The following CNTNAP2 variants were observed in gnomAD, a reference collection of about 807,000 sequenced individuals.
CNTNAP2 encodes the protein contactin-associated protein-like 2.
CNTNAP2 carries 98 observed loss-of-function variants against 155.2 expected under a neutral mutation model. That is an observed-to-expected ratio of 0.63 (90% CI 0.54 to 0.75). The LOEUF (loss-of-function observed/expected upper bound fraction) is 0.75. CNTNAP2 is among the 30% of genes least tolerant of loss of function. The pLI is 0.00. For missense variants in CNTNAP2, 1,727 were observed against 1,688.1 expected (o/e 1.02, Z -0.40); for synonymous variants, 651 against 631.2 (o/e 1.03, Z -0.47).
intron 23 of CNTNAP2, among the ~76,000 whole-genome samples, chr7:148,410,073 GAAAGA>G (rs1300890993): frequency 8.0e-6 from 1 of 124,788 alleles, no homozygotes; most frequent in Non-Finnish European, 1.8e-5. Context: ...AAAAAAGAAA[GAAAGA>G]AAGAATATAG....
At chr7:147,500,583 A>G (rs1798792144) in intron 11 of CNTNAP2, among the ~76,000 whole-genome samples, 1 of 152,156 alleles carries the variant, frequency 6.6e-6, no homozygotes, top group Non-Finnish European at 1.5e-5. Context: ...ATTAAATACA[A>G]TTTGGGGCAA....
At chr7:146,346,935 TTTTTA>T (rs1794827316) in intron 1 of CNTNAP2, among the ~76,000 whole-genome samples, 1 of 151,204 alleles carries the variant, frequency 6.6e-6, no homozygotes, top group African/African-American at 2.5e-5. Flanking sequence ...TTTTTATTGT[TTTTTA>T]TTTTATTTTT....
At position 146,228,996 on chromosome 7, in the gene CNTNAP2, CTCTA is replaced by C. The variant is rs544647099; in HGVS notation, c.97+112029_97+112032del. Among the ~76,000 whole-genome samples, 28 of 152,240 alleles carry C rather than the reference CTCTA, an allele frequency of 1.8e-4. No individual in the cohort carries two copies. In the South Asian group the frequency reaches 1.9e-3, roughly 10 times the overall value. On this transcript the variant is annotated intron_variant, in intron 1 of 23. Transcript: ENST00000361727. ...ACACATGCATCAGTACAATCAAGCT[CTCTA>C]TCTATTAGATCACTGAACCGTTTCA... is the stretch of plus-strand genomic sequence containing the variant.
At chr7:147,719,114 C>T (rs1016574928) in intron 13 of CNTNAP2, among the ~76,000 whole-genome samples, 1 of 152,024 alleles carries the variant, frequency 6.6e-6, no homozygotes, top group African/African-American at 2.4e-5. Context: ...ATTATTTCAC[C>T]TTTGCAAATA....
At chr7:148,365,728 ATATG>A (rs71188976) in intron 21 of CNTNAP2, among the ~76,000 whole-genome samples, 41,100 of 63,588 alleles carry the variant, frequency 0.65, 16,842 homozygotes, top group Admixed American at 0.79. Flanking sequence ...ATACGTGTAT[ATATG>A]TATGTGTATA....
At chr7:146,429,035 G>T (rs1002293634) in intron 1 of CNTNAP2, among the ~76,000 whole-genome samples, 5 of 152,040 alleles carry the variant, frequency 3.3e-5, no homozygotes, top group Non-Finnish European at 7.4e-5. Context: ...GATGGTTGTA[G>T]GTGTGCAGTC....
At chr7:146,341,610 G>A (rs1794730726) in intron 1 of CNTNAP2, among the ~76,000 whole-genome samples, 1 of 151,974 alleles carries the variant, frequency 6.6e-6, no homozygotes, top group Non-Finnish European at 1.5e-5. Flanking sequence ...CTTATTGCTA[G>A]AAAAACAGGA....
In CNTNAP2 at chr7:147,925,310, A is replaced by G. The variant is rs1187516329; in HGVS notation, c.2255+21589A>G. The stretch of plus-strand genomic sequence containing the variant: ...CGCGCGCGCACACACACACACACAC[A>G]CACACACACACACACACACACAGCT... On this transcript the variant is annotated intron_variant, in intron 14 of 23. Coordinates refer to ENST00000361727, the MANE Select transcript of CNTNAP2 (RefSeq NM_014141.6). Among the ~76,000 whole-genome samples the G allele has an allele frequency of 1.1e-3, 160 of 151,630 alleles. 7 individuals are homozygous for G. In the South Asian group the frequency reaches 0.012, roughly 12 times the overall value.
chr7:148,118,150 C>T lies in CNTNAP2; in HGVS notation c.2416C>T (p.Pro806Ser). 1 of 1,614,140 alleles carries T rather than the reference C, an allele frequency of 6.2e-7. No homozygotes were observed. The highest frequency in any genetic ancestry group is 8.5e-7 in the Non-Finnish European group (1 of 1,180,022). Residue 806 changes from proline to serine, a missense_variant, in exon 16 of 24, where the codon CCA becomes TCA. Physicochemically the swap from Pro to Ser is moderately conservative, Grantham distance 74 (BLOSUM62 -1). Transcript: ENST00000361727. ...TTGGAATGCCGCCTCTTTCCCAAAC[C>T]CATCCTCCTACCTGCACTTCTCTAC... ...NYWNAASFPN[P>S]SSYLHFSTFQ... is the part of the protein sequence containing the mutation.
At chr7:147,047,474 TTATC>T (rs1488708745) in intron 4 of CNTNAP2, among the ~76,000 whole-genome samples, 20 of 152,072 alleles carry the variant, frequency 1.3e-4, no homozygotes, top group African/African-American at 3.6e-4. Context: ...GGATTCCCAT[TTATC>T]TATCTATTTA....
At chr7:148,185,319 T>C (rs1470223731) in intron 18 of CNTNAP2, among the ~76,000 whole-genome samples, 1 of 152,202 alleles carries the variant, frequency 6.6e-6, no homozygotes, top group African/African-American at 2.4e-5. Flanking sequence ...GCCTGGAACA[T>C]CATTAAAGCA....
chr7:148,174,688 C>A (rs373262420), intron 18 of CNTNAP2, among the ~76,000 whole-genome samples: 2 of 152,152 alleles, frequency 1.3e-5, no homozygotes, highest in African/African-American at 4.8e-5. Context: ...TGAGAATACA[C>A]GCCAAAATAT....
At chr7:148,041,458 G>A (rs1394964093) in intron 15 of CNTNAP2, among the ~76,000 whole-genome samples, 1 of 152,224 alleles carries the variant, frequency 6.6e-6, no homozygotes, top group African/African-American at 2.4e-5. Flanking sequence ...TTGGAGTAGA[G>A]GCAGGCAAGT....
chr7:146,242,045 T>C (rs1024408920), intron 1 of CNTNAP2, among the ~76,000 whole-genome samples: 1 of 152,140 alleles, frequency 6.6e-6, no homozygotes, highest in African/African-American at 2.4e-5. Flanking sequence ...TCTTGAGCTA[T>C]AAAAAGAGTT....
Position 146,183,606 on chromosome 7 carries a change from A to AAATAATAATAATAAT in CNTNAP2, c.97+66654_97+66668dup, listed in dbSNP as rs55823511. ...CCATCAGGAGAATTTATCACCACAC[A>AAATAATAATAATAAT]AATAATAATAATAATAATAATAATA... On this transcript the variant is annotated intron_variant, in intron 1 of 23. Transcript: ENST00000361727. Among the ~76,000 whole-genome samples the AAATAATAATAATAAT allele has an allele frequency of 5.3e-3, 758 of 143,430 alleles. 9 individuals are homozygous for AAATAATAATAATAAT. Among genetic ancestry groups the AAATAATAATAATAAT allele is most frequent in the African/African-American group, 0.011 (430 of 38,720 alleles). 94.1% of individuals were successfully genotyped at this position (143,430 alleles called of 152,430 possible). A position where few individuals can be genotyped will look rare whatever the true frequency, so the allele number is the denominator to read the frequency against.
At chr7:147,819,045 A>G (rs1798321075) in intron 13 of CNTNAP2, among the ~76,000 whole-genome samples, 1 of 152,110 alleles carries the variant, frequency 6.6e-6, no homozygotes, top group Non-Finnish European at 1.5e-5. Context: ...CTACAGAGCA[A>G]TTTGGTTTAC....
intron 1 of CNTNAP2, among the ~76,000 whole-genome samples, chr7:146,692,165 C>T (rs1405068795): frequency 6.6e-6 from 1 of 152,138 alleles, no homozygotes. Context: ...TAGTCTTCTA[C>T]ATTTCCTTTT....
chr7:146,876,074 C>A (rs1795422631), intron 3 of CNTNAP2, among the ~76,000 whole-genome samples: 1 of 151,730 alleles, frequency 6.6e-6, no homozygotes, highest in Non-Finnish European at 1.5e-5. Flanking sequence ...AACTCCTGGC[C>A]TGTTTAACTT....
chr7:146,477,624 A>AACACACACAC lies in CNTNAP2; in HGVS notation c.98-296605_98-296596dup, dbSNP rs1162610079. ...TTCCAGTAATCATTCTTCTTCAGCA[A>AACACACACAC]ACACACACACACACACACACACACA... On this transcript the variant is annotated intron_variant, in intron 1 of 23. Transcript: ENST00000361727. 2.4e-4 allele frequency among the ~76,000 whole-genome samples: 32 copies of AACACACACAC among 131,718 alleles called. 1 individual carries two copies. In the South Asian group the frequency reaches 3.6e-3, roughly 15 times the overall value. The allele number at this position is 131,718 out of a possible 152,430, so 86.4% of individuals were successfully genotyped here.
Sources: allele counts gnomAD v4.1 joint callset (sites outside exome capture counted in the v4.1 genomes callset), GRCh38; gene constraint gnomAD v4.1.1; transcripts MANE v1.5; gene names NCBI Gene and HGNC (gene_info 2026-07-23, HGNC 2026-07-21).